Variants in SASH1 observed in about 807,000 individuals in gnomAD.
SASH1 encodes SAM and SH3 domain-containing protein 1.
In SASH1, 44 loss-of-function variants were observed where a neutral mutation model predicts 125.2. That is an observed-to-expected ratio of 0.35 (90% confidence interval 0.28 to 0.45). The LOEUF (loss-of-function observed/expected upper bound fraction) is 0.45. SASH1 is among the 20% of genes least tolerant of loss of function. The pLI, the probability that SASH1 is intolerant of heterozygous loss-of-function variation, is 1.00. For synonymous variants in SASH1, 639 were observed against 649.1 expected, an observed-to-expected ratio of 0.98 and a Z score of 0.24; for missense variants, 1,426 against 1,614.5, an observed-to-expected ratio of 0.88 and a Z score of 2.00.
chr6:148,456,450 C>T (rs1465339098), intron 4 of SASH1, among the ~76,000 whole-genome samples: 2 of 152,198 alleles, frequency 1.3e-5, no homozygotes, highest in African/African-American at 4.8e-5. Flanking sequence ...GCCACATTTC[C>T]CCATAGAAAA....
chr6:148,548,715 G>A lies in SASH1; in HGVS notation c.*157G>A. On this transcript the variant is annotated 3_prime_UTR_variant, in exon 20 of 20. Coordinates refer to ENST00000367467, the MANE Select transcript of SASH1 (RefSeq NM_015278.5). ...CGTGAAACCTTGGCACAGGACTGAG[G>A]ATCCTCTCCTCCAGAAAAGCCCCCT... 1.3e-6 allele frequency: 1 copy of A among 771,864 alleles called. No individual in the cohort carries two copies. The highest frequency in any genetic ancestry group is 2.6e-5 in the South Asian group (1 of 38,390). The allele number at this position is 771,864 out of a possible 1,614,324, so 47.8% of individuals were successfully genotyped here.
intron 1 of SASH1, among the ~76,000 whole-genome samples, chr6:148,379,732 C>T (rs1783057509): frequency 6.6e-6 from 1 of 152,184 alleles, no homozygotes; most frequent in Non-Finnish European, 1.5e-5. Context: ...GATCCATTCC[C>T]AGTTTTCATA....
chr6:148,282,001 A>G (rs556470203), intron 1 of SASH1, among the ~76,000 whole-genome samples: 19 of 152,358 alleles, frequency 1.2e-4, no homozygotes, highest in Admixed American at 1.1e-3. Flanking sequence ...ACTATAGTAC[A>G]CAATCATGTC....
chr6:148,392,244 C>T (rs1783757990), intron 2 of SASH1, among the ~76,000 whole-genome samples: 1 of 150,802 alleles, frequency 6.6e-6, no homozygotes, highest in Non-Finnish European at 1.5e-5. Context: ...CGAGATCGCG[C>T]CATTGCACTC....
chr6:148,263,854 A>G, the SASH1 span, among the ~76,000 whole-genome samples: 1 of 152,278 alleles, frequency 6.6e-6, no homozygotes, highest in East Asian at 1.9e-4. Flanking sequence ...TGGAAATGGA[A>G]GACTGAGGGT....
intron 8 of SASH1, chr6:148,513,378 G>A (rs1473027612): frequency 1.0e-6 from 1 of 985,434 alleles, no homozygotes; most frequent in Non-Finnish European, 1.2e-6. Context: ...GCATGCCCAC[G>A]CACCCGTGTT....
chr6:148,362,129 G>A (rs9373556), intron 1 of SASH1, among the ~76,000 whole-genome samples: 25,262 of 151,222 alleles, frequency 0.17, 2,738 homozygotes, highest in South Asian at 0.3. Context: ...GGGTTTCTCC[G>A]TGTTAGCCAG....
At chr6:148,225,248 A>C in the SASH1 span, among the ~76,000 whole-genome samples, 7 of 152,202 alleles carry the variant, frequency 4.6e-5, no homozygotes, top group Non-Finnish European at 1.0e-4. Context: ...TTATGGACAG[A>C]GTTACACTTA....
intron 1 of SASH1, among the ~76,000 whole-genome samples, chr6:148,301,210 CA>C (rs1183675387): frequency 2.6e-5 from 4 of 151,190 alleles, no homozygotes; most frequent in Non-Finnish European, 5.9e-5. Context: ...CCTGTAATCC[CA>C]GCTACTCAGG....
the SASH1 span, among the ~76,000 whole-genome samples, chr6:148,233,214 TAAAAAAAAA>T: frequency 6.3e-5 from 8 of 126,446 alleles, no homozygotes; most frequent in Non-Finnish European, 1.2e-4. Flanking sequence ...AACTCCATCT[TAAAAAAAAA>T]AAAAAAAAAA....
intron 2 of SASH1, among the ~76,000 whole-genome samples, chr6:148,438,109 A>T (rs1776370985): frequency 6.6e-6 from 1 of 152,218 alleles, no homozygotes; most frequent in Admixed American, 6.5e-5. Context: ...ATAGAAGGTC[A>T]TGGGCTGCAA....
chr6:148,398,021 A>G (rs1204542096), intron 2 of SASH1, among the ~76,000 whole-genome samples: 1 of 152,156 alleles, frequency 6.6e-6, no homozygotes, highest in African/African-American at 2.4e-5. Flanking sequence ...GGCACAGGGA[A>G]GACTGACCTG....
intron 1 of SASH1, among the ~76,000 whole-genome samples, chr6:148,277,814 T>C (rs1383976430): frequency 6.6e-6 from 1 of 151,848 alleles, no homozygotes; most frequent in African/African-American, 2.4e-5. Context: ...CCTCCCGGGT[T>C]CAAGCGATTC....
chr6:148,449,637 T>G (rs1309054106), intron 4 of SASH1, among the ~76,000 whole-genome samples: 3 of 152,154 alleles, frequency 2.0e-5, no homozygotes, highest in Non-Finnish European at 4.4e-5. Context: ...TCCACCCGCC[T>G]TGGCCTCCCA....
In SASH1 at chr6:148,458,619, A is replaced by G. The variant is rs559801125; in HGVS notation, c.387-9926A>G. Among the ~76,000 whole-genome samples the G allele has an allele frequency of 7.2e-5, 11 of 152,310 alleles. No homozygotes were observed. In the South Asian group the frequency reaches 2.1e-3, roughly 29 times the overall value. On this transcript the variant is annotated intron_variant, in intron 4 of 19. Coordinates refer to ENST00000367467, the MANE Select transcript of SASH1 (RefSeq NM_015278.5). The stretch of plus-strand genomic sequence containing the variant: ...AAGCAAACAATAAATCATTGATTGT[A>G]TATGAAACTGGTCAGTTGCTGATTC...
chr6:148,272,661 A>C (rs796082442), intron 1 of SASH1, among the ~76,000 whole-genome samples: 11 of 152,282 alleles, frequency 7.2e-5, no homozygotes, highest in African/African-American at 2.6e-4. Flanking sequence ...CCAAGACTCT[A>C]AAAAAGGTTT....
chr6:148,494,409 C>G (rs1384627476), intron 8 of SASH1, among the ~76,000 whole-genome samples: 6 of 152,066 alleles, frequency 3.9e-5, no homozygotes, highest in Non-Finnish European at 5.9e-5. Context: ...TGGAGGACCT[C>G]TAGGGAAATG....
the SASH1 span, among the ~76,000 whole-genome samples, chr6:148,259,363 G>T: frequency 6.6e-6 from 1 of 152,212 alleles, no homozygotes; most frequent in Non-Finnish European, 1.5e-5. Flanking sequence ...TTGTTCTACT[G>T]AACTGCACGG....
At chr6:148,295,173 G>A (rs980336641) in intron 1 of SASH1, among the ~76,000 whole-genome samples, 4 of 152,012 alleles carry the variant, frequency 2.6e-5, no homozygotes, top group Admixed American at 2.0e-4. Flanking sequence ...TGAAGTAAAC[G>A]AGTACCGGCA....
Sources: allele counts gnomAD v4.1 joint callset (sites outside exome capture counted in the v4.1 genomes callset), GRCh38; gene constraint gnomAD v4.1.1; transcripts MANE v1.5; gene names NCBI Gene and HGNC (gene_info 2026-07-23, HGNC 2026-07-21).